Variants in ADAMTS17 observed in about 807,000 individuals in gnomAD.
ADAMTS17 encodes the protein ADAM metallopeptidase with thrombospondin type 1 motif 17, also known as A disintegrin and metalloproteinase with thrombospondin motifs 17.
Under a neutral mutation model 141.5 loss-of-function variants are expected in ADAMTS17, and 113 were observed. The observed-to-expected ratio is 0.80, with a 90% CI of 0.69 to 0.93. ADAMTS17 has a LOEUF of 0.93. Among genes scored for constraint, ADAMTS17 ranks in the 40% least tolerant of loss-of-function variants. ADAMTS17 has a pLI of 0.00. For synonymous variants in ADAMTS17, 768 were observed against 630.6 expected (o/e 1.22, Z -3.27); for missense variants, 1,659 against 1,517.9 (o/e 1.09, Z -1.54).
intron 2 of ADAMTS17, 153 bp downstream of exon 2, chr15:100,340,886 G>C: frequency 8.3e-7 from 1 of 1,207,536 alleles, no homozygotes; most frequent in South Asian, 1.3e-5. Flanking sequence ...AGGCCGGGGT[G>C]GGGGATGGGG....
At chr15:100,188,751 C>T (rs553486894) in intron 8 of ADAMTS17, among the ~76,000 whole-genome samples, 2 of 152,168 alleles carry the variant, frequency 1.3e-5, no homozygotes, top group Non-Finnish European at 2.9e-5. Context: ...GGAGGCTGAA[C>T]GGAAACCTAG....
chr15:100,242,476 G>C (rs140157097), intron 7 of ADAMTS17, among the ~76,000 whole-genome samples: 10 of 152,124 alleles, frequency 6.6e-5, no homozygotes, highest in African/African-American at 2.4e-4. Context: ...ATCTCTACTG[G>C]CATGTCCTTA....
intron 18 of ADAMTS17, among the ~76,000 whole-genome samples, chr15:100,017,559 G>A (rs2061315226): frequency 6.6e-6 from 1 of 152,196 alleles, no homozygotes; most frequent in Admixed American, 6.5e-5. Context: ...CTCTACTTCT[G>A]TATTTCACTC....
At chr15:100,162,956 A>G (rs946096183) in intron 8 of ADAMTS17, among the ~76,000 whole-genome samples, 1 of 143,562 alleles carries the variant, frequency 7.0e-6, no homozygotes, top group Non-Finnish European at 1.5e-5. Flanking sequence ...GTGTATATAT[A>G]TAACTATATA....
At chr15:100,275,582 G>T (rs138386445) in intron 4 of ADAMTS17, among the ~76,000 whole-genome samples, 121 of 152,288 alleles carry the variant, frequency 7.9e-4, no homozygotes, top group African/African-American at 2.7e-3. Flanking sequence ...GGGTCCCTCA[G>T]TCCCGGACTG....
At chr15:100,040,116 A>G (rs1168618737) in intron 18 of ADAMTS17, among the ~76,000 whole-genome samples, 1 of 152,190 alleles carries the variant, frequency 6.6e-6, no homozygotes, top group Non-Finnish European at 1.5e-5. Context: ...TTATCTGTGG[A>G]CTGTTCATTG....
chr15:100,309,840 C>T (rs1283919054), intron 3 of ADAMTS17, among the ~76,000 whole-genome samples: 1 of 152,182 alleles, frequency 6.6e-6, no homozygotes, highest in Non-Finnish European at 1.5e-5. Flanking sequence ...TCTCTCCCTG[C>T]TGCCCCCGAC....
At chr15:100,263,686 C>T (rs1341024672) in intron 4 of ADAMTS17, among the ~76,000 whole-genome samples, 3 of 152,124 alleles carry the variant, frequency 2.0e-5, no homozygotes, top group Admixed American at 1.3e-4. Context: ...GCGAGAGGTA[C>T]GCGGAGAGCA....
chr15:100,297,964 G>A (rs564543168), intron 3 of ADAMTS17, among the ~76,000 whole-genome samples: 5 of 152,154 alleles, frequency 3.3e-5, no homozygotes, highest in South Asian at 2.1e-4. Flanking sequence ...GCTGCGTGGC[G>A]TCTCCAACAC....
intron 3 of ADAMTS17, among the ~76,000 whole-genome samples, chr15:100,297,775 G>C (rs2044875297): frequency 6.6e-6 from 1 of 152,158 alleles, no homozygotes. Flanking sequence ...ATGCCTCAGA[G>C]CTCACAGCAT....
chr15:100,076,629 C>T (rs1370930401), intron 15 of ADAMTS17, among the ~76,000 whole-genome samples: 2 of 152,116 alleles, frequency 1.3e-5, no homozygotes, highest in Non-Finnish European at 2.9e-5. Flanking sequence ...GCTAACAGGA[C>T]TTTCCTTGGT....
At chr15:100,288,628 C>T (rs981024125) in intron 3 of ADAMTS17, among the ~76,000 whole-genome samples, 1 of 152,144 alleles carries the variant, frequency 6.6e-6, no homozygotes, top group African/African-American at 2.4e-5. Flanking sequence ...TAAGACAATT[C>T]TCAGCACATT....
chr15:100,285,785 C>T (rs750911780), intron 3 of ADAMTS17, among the ~76,000 whole-genome samples: 1 of 152,128 alleles, frequency 6.6e-6, no homozygotes, highest in South Asian at 2.1e-4. Context: ...GAGGGTTTTG[C>T]GTGGGAACAG....
chr15:99,991,726 C>A (rs1057320299), intron 20 of ADAMTS17, among the ~76,000 whole-genome samples: 1 of 152,140 alleles, frequency 6.6e-6, no homozygotes, highest in East Asian at 1.9e-4. Flanking sequence ...TGCACACATA[C>A]GTTTACTGCG....
intron 8 of ADAMTS17, among the ~76,000 whole-genome samples, chr15:100,164,461 G>A (rs936474826): frequency 1.3e-5 from 2 of 152,192 alleles, no homozygotes; most frequent in African/African-American, 4.8e-5. Context: ...TCTAGGCACT[G>A]AGAATACAGA....
intron 18 of ADAMTS17, among the ~76,000 whole-genome samples, chr15:100,001,229 C>A (rs1208447525): frequency 2.0e-5 from 3 of 152,174 alleles, no homozygotes; most frequent in African/African-American, 7.2e-5. Context: ...AATCTAGAAT[C>A]AGCCACATCT....
intron 3 of ADAMTS17, among the ~76,000 whole-genome samples, chr15:100,320,232 C>A (rs1206502508): frequency 1.3e-5 from 2 of 151,984 alleles, no homozygotes; most frequent in African/African-American, 2.4e-5. Context: ...ATAGTAAGAT[C>A]CACATATATC....
chr15:100,251,198 T>C (rs921305094), intron 7 of ADAMTS17, among the ~76,000 whole-genome samples: 4 of 152,222 alleles, frequency 2.6e-5, no homozygotes, highest in Non-Finnish European at 5.9e-5. Context: ...GCTAACCAGC[T>C]GTCACGTGAA....
intron 17 of ADAMTS17, among the ~76,000 whole-genome samples, chr15:100,051,110 G>C (rs185320596): frequency 6.6e-6 from 1 of 152,208 alleles, no homozygotes; most frequent in African/African-American, 2.4e-5. Flanking sequence ...CAGGACTCAT[G>C]CTCAGAACGT....
Sources: gnomAD v4.1 joint callset for allele counts (sites outside exome capture counted in the v4.1 genomes callset) on GRCh38, gnomAD v4.1.1 for gene constraint, MANE v1.5 for transcripts, NCBI Gene and HGNC (gene_info 2026-07-23, HGNC 2026-07-21) for gene names.